Variants in CADPS observed in about 807,000 individuals in gnomAD.
CADPS encodes the protein calcium-dependent secretion activator 1.
A neutral mutation model predicts 167.3 loss-of-function variants in CADPS; 57 were observed. The ratio of observed to expected loss-of-function variants is 0.34; its 90% confidence interval spans 0.28 to 0.42. CADPS has a LOEUF of 0.42. CADPS is among the 20% of genes least tolerant of loss of function. The probability of loss-of-function intolerance (pLI) is 1.00; values close to 1 mark genes in which losing one functional copy is unlikely to be tolerated. For missense variants in CADPS, 1,414 were observed against 1,738.1 expected (o/e 0.81, Z 3.32); for synonymous variants, 676 against 635.3 (o/e 1.06, Z -0.96).
intron 24 of CADPS, among the ~76,000 whole-genome samples, chr3:62,469,163 T>C (rs1020260872): frequency 6.6e-6 from 1 of 152,204 alleles, no homozygotes; most frequent in African/African-American, 2.4e-5. Context: ...CTGTTTATCA[T>C]GTAGCAAAGA....
chr3:62,720,607 G>A (rs2075593529), intron 3 of CADPS, among the ~76,000 whole-genome samples: 1 of 152,030 alleles, frequency 6.6e-6, no homozygotes, highest in Admixed American at 6.6e-5. Context: ...CCAAAGTGCT[G>A]GGATTACAGG....
chr3:62,479,723 G>A (rs2061743309), intron 22 of CADPS, among the ~76,000 whole-genome samples: 1 of 151,504 alleles, frequency 6.6e-6, no homozygotes, highest in Admixed American at 6.6e-5. Context: ...TAAAATGAAA[G>A]GTGGCAAAGG....
intron 9 of CADPS, among the ~76,000 whole-genome samples, chr3:62,570,558 G>T (rs1423163541): frequency 6.6e-6 from 1 of 152,194 alleles, no homozygotes; most frequent in African/African-American, 2.4e-5. Flanking sequence ...AGACTGGGCA[G>T]GGGTGGGAGT....
rs904970538 is a variant in CADPS at position 62,402,244 on chromosome 3, G to C, written c.3882+837C>G. Among the ~76,000 whole-genome samples the C allele has an allele frequency of 8.8e-5, 12 of 136,296 alleles. 1 individual carries two copies. The East Asian group carries it at 2.1e-3, about 24-fold the overall frequency. 89.4% of individuals were successfully genotyped at this position (136,296 alleles called of 152,430 possible). On this transcript the variant is annotated intron_variant, in intron 29 of 29. Transcript: ENST00000383710. ...ACTAAGAAACGGGGTGGGGGCGGGG[G>C]GGGGGGGTGCCCAGGAGTGGGTGTT...
chr3:62,569,256 A>G (rs1231712359), intron 9 of CADPS, among the ~76,000 whole-genome samples: 1 of 152,088 alleles, frequency 6.6e-6, no homozygotes, highest in Non-Finnish European at 1.5e-5. Context: ...ATGCACCACC[A>G]TACCCGGCTA....
At chr3:62,588,122 C>T (rs965550570) in intron 7 of CADPS, among the ~76,000 whole-genome samples, 1 of 152,168 alleles carries the variant, frequency 6.6e-6, no homozygotes, top group African/African-American at 2.4e-5. Context: ...CCTGGGCACA[C>T]AGGCAGGGCC....
chr3:62,598,064 T>C (rs983324989), intron 6 of CADPS, among the ~76,000 whole-genome samples: 1 of 152,242 alleles, frequency 6.6e-6, no homozygotes, highest in Non-Finnish European at 1.5e-5. Flanking sequence ...TTCATTTTCT[T>C]GAGTATTTCC....
Position 62,478,525 on chromosome 3 carries a change from C to CGTTGTTTTGTATGTTG in CADPS, c.3174-110_3174-109insCAACATACAAAACAAC. 2.9e-6 allele frequency: 3 copies of CGTTGTTTTGTATGTTG among 1,018,628 alleles called. No individual in the cohort carries two copies. Among genetic ancestry groups the CGTTGTTTTGTATGTTG allele is most frequent in the Non-Finnish European group, 4.3e-6 (3 of 693,946 alleles). 63.1% of individuals were successfully genotyped at this position (1,018,628 alleles called of 1,614,324 possible). On this transcript the variant is annotated intron_variant, in intron 22 of 29. Coordinates refer to ENST00000383710, the MANE Select transcript of CADPS (RefSeq NM_003716.4). The surrounding 1 kb of genome is among the most constrained non-coding windows in gnomAD (Gnocchi z 5.7). ...GAAGGCAAACAGCAGCTTCAACATA[C>CGTTGTTTTGTATGTTG]AAAACAACGTGTGTTGGCGGTGGAG...
At chr3:62,459,975 CTT>C (rs2059137829) in intron 26 of CADPS, among the ~76,000 whole-genome samples, 1 of 152,170 alleles carries the variant, frequency 6.6e-6, no homozygotes, top group South Asian at 2.1e-4. Context: ...ATAGATGACT[CTT>C]TCCCTTAGAA....
chr3:62,686,577 C>T (rs2078079616), intron 3 of CADPS, among the ~76,000 whole-genome samples: 1 of 151,960 alleles, frequency 6.6e-6, no homozygotes, highest in Non-Finnish European at 1.5e-5. Context: ...TGTCAATCTG[C>T]AGATCTGCAG....
At chr3:62,840,902 C>G (rs565968396) in intron 1 of CADPS, among the ~76,000 whole-genome samples, 2 of 152,144 alleles carry the variant, frequency 1.3e-5, no homozygotes, top group African/African-American at 4.8e-5. Context: ...CTGCTAATCT[C>G]TTGTGATATA....
intron 18 of CADPS, among the ~76,000 whole-genome samples, chr3:62,494,355 G>A (rs2064265793): frequency 6.6e-6 from 1 of 152,120 alleles, no homozygotes; most frequent in Non-Finnish European, 1.5e-5. Flanking sequence ...CTAAACCCTG[G>A]AACTTGCTGG....
At chr3:62,719,211 C>A (rs1323331334) in intron 3 of CADPS, among the ~76,000 whole-genome samples, 10 of 152,182 alleles carry the variant, frequency 6.6e-5, no homozygotes, top group African/African-American at 1.9e-4. Flanking sequence ...TTTATCATAG[C>A]CCTCCTGGGC....
intron 1 of CADPS, among the ~76,000 whole-genome samples, chr3:62,842,931 C>T (rs1017114070): frequency 6.6e-6 from 1 of 152,158 alleles, no homozygotes; most frequent in Non-Finnish European, 1.5e-5. Context: ...ACAGACCTAA[C>T]CCTGAACATA....
At chr3:62,649,148 C>G (rs1409033278) in intron 5 of CADPS, among the ~76,000 whole-genome samples, 1 of 152,150 alleles carries the variant, frequency 6.6e-6, no homozygotes, top group Non-Finnish European at 1.5e-5. Context: ...CTCCCCAAAT[C>G]TAGGGTTATC....
chr3:62,839,541 G>A (rs1384387575), intron 1 of CADPS, among the ~76,000 whole-genome samples: 2 of 152,172 alleles, frequency 1.3e-5, no homozygotes, highest in African/African-American at 2.4e-5. Flanking sequence ...CAGGAGTGGT[G>A]AGAAGTGAGC....
chr3:62,596,142 CAT>C (rs1378979852), intron 6 of CADPS, among the ~76,000 whole-genome samples: 4 of 129,888 alleles, frequency 3.1e-5, no homozygotes, highest in African/African-American at 1.2e-4. Flanking sequence ...CACACACACA[CAT>C]ATCCTATTAG....
intron 22 of CADPS, among the ~76,000 whole-genome samples, chr3:62,479,598 G>T (rs2150776523): frequency 6.6e-6 from 1 of 152,398 alleles, no homozygotes; most frequent in Middle Eastern, 3.4e-3. Flanking sequence ...CAAGCATGCT[G>T]AGAGGGAGCC....
chr3:62,499,366 T>G, intron 17 of CADPS, 98 bp from the exon 18 acceptor site: 1 of 749,920 alleles, frequency 1.3e-6, no homozygotes, highest in East Asian at 2.7e-5. Flanking sequence ...TAGTTATCAG[T>G]TTTTTAAAAA....
Sources: allele counts gnomAD v4.1 joint callset (sites outside exome capture counted in the v4.1 genomes callset), GRCh38; gene constraint gnomAD v4.1.1; non-coding constraint Gnocchi (gnomAD v3.1); transcripts MANE v1.5; gene names NCBI Gene and HGNC (gene_info 2026-07-23, HGNC 2026-07-21).